The following WDR64 variants were observed in gnomAD, a reference collection of about 807,000 sequenced individuals.
WDR64 encodes WD repeat-containing protein 64.
Under a neutral mutation model 139.3 loss-of-function variants are expected in WDR64, and 112 were observed. The observed-to-expected ratio is 0.80, with a 90% confidence interval of 0.69 to 0.94. The LOEUF (loss-of-function observed/expected upper bound fraction) is 0.94, where lower values mean the gene tolerates loss of function less well. WDR64 is among the 40% of genes least tolerant of loss of function. The pLI is 0.00. For missense variants in WDR64, 1,206 were observed against 1,293.1 expected (o/e 0.93, Z 1.03); for synonymous variants, 444 against 437.7 (o/e 1.01, Z -0.18).
intron 22 of WDR64, among the ~76,000 whole-genome samples, chr1:241,780,835 C>T (rs139574267): frequency 1.6e-4 from 24 of 152,260 alleles, no homozygotes; most frequent in African/African-American, 5.8e-4. Context: ...CCAAGGAGCA[C>T]ATAGACAGTG....
intron 8 of WDR64, among the ~76,000 whole-genome samples, chr1:241,691,825 C>G (rs1178320584): frequency 6.6e-6 from 1 of 152,056 alleles, no homozygotes; most frequent in Non-Finnish European, 1.5e-5. Flanking sequence ...ACCAGCCTGG[C>G]CAACATGGTG....
At chr1:241,696,221 G>GA (rs1227634143) in intron 8 of WDR64, among the ~76,000 whole-genome samples, 1 of 142,718 alleles carries the variant, frequency 7.0e-6, no homozygotes, top group Non-Finnish European at 1.5e-5. Context: ...TCTCTTCAGA[G>GA]AAAGTTCCTT....
intron 8 of WDR64, among the ~76,000 whole-genome samples, chr1:241,704,702 A>C (rs1456938542): frequency 1.3e-5 from 2 of 152,228 alleles, no homozygotes. Flanking sequence ...TATGAACACA[A>C]TTCCACATGC....
intron 10 of WDR64, among the ~76,000 whole-genome samples, chr1:241,736,279 C>T (rs1271662922): frequency 6.6e-6 from 1 of 152,084 alleles, no homozygotes; most frequent in South Asian, 2.1e-4. Flanking sequence ...ATATATCTTG[C>T]TTTGGAGCCC....
At chr1:241,785,588 A>T (rs1162311825) in intron 23 of WDR64, among the ~76,000 whole-genome samples, 1 of 152,124 alleles carries the variant, frequency 6.6e-6, no homozygotes, top group Non-Finnish European at 1.5e-5. Context: ...TGGCATGGAG[A>T]AATTAATTTT....
rs771187194 is a variant in WDR64 at position 241,775,043 on chromosome 1, A to G, written c.2431-62A>G. 10 of 1,303,832 alleles carry G rather than the reference A, an allele frequency of 7.7e-6. No individual in the cohort carries two copies. In the Admixed American group the frequency reaches 1.7e-4, roughly 23 times the overall value. The allele number at this position is 1,303,832 out of a possible 1,614,324, so 80.8% of individuals were successfully genotyped here. On this transcript the variant is annotated intron_variant, in intron 20 of 27. Coordinates refer to ENST00000437684, the MANE Select transcript of WDR64 (RefSeq NM_001367482.1). ...TTTACATAGAAAAATCAATTTCAAT[A>G]TTAAGATTTTATAAGACTTACTAGC...
intron 2 of WDR64, among the ~76,000 whole-genome samples, chr1:241,663,022 G>C (rs757050681): frequency 9.2e-5 from 14 of 152,046 alleles, no homozygotes; most frequent in Non-Finnish European, 1.6e-4. Flanking sequence ...GTTCAAAAGA[G>C]TTCATAAAAG....
intron 22 of WDR64, among the ~76,000 whole-genome samples, chr1:241,782,417 A>G (rs981082277): frequency 2.0e-5 from 3 of 152,258 alleles, no homozygotes; most frequent in Non-Finnish European, 2.9e-5. Flanking sequence ...CTAAATAAAT[A>G]GAAGACTCGC....
intron 1 of WDR64, among the ~76,000 whole-genome samples, chr1:241,658,638 CA>C (rs56278786): frequency 0.11 from 9,361 of 83,764 alleles, 266 homozygotes; most frequent in East Asian, 0.13. Flanking sequence ...GATCCTGTCT[CA>C]AAAAAAAAAA....
chr1:241,711,260 A>G (rs1668154568), intron 8 of WDR64, among the ~76,000 whole-genome samples: 1 of 151,522 alleles, frequency 6.6e-6, no homozygotes, highest in Non-Finnish European at 1.5e-5. Context: ...AAATAGTAGA[A>G]GCAGAGAAAT....
At chr1:241,696,745 T>G (rs550277354) in intron 8 of WDR64, among the ~76,000 whole-genome samples, 2 of 152,194 alleles carry the variant, frequency 1.3e-5, no homozygotes, top group African/African-American at 4.8e-5. Flanking sequence ...GTCACTCTCA[T>G]GGCCATCTTG....
chr1:241,788,921 A>C (rs1189475477), intron 24 of WDR64, among the ~76,000 whole-genome samples: 1 of 152,122 alleles, frequency 6.6e-6, no homozygotes, highest in Non-Finnish European at 1.5e-5. Context: ...TACTTTGGGC[A>C]ATTGCTTAGC....
intron 9 of WDR64, among the ~76,000 whole-genome samples, chr1:241,717,186 T>A (rs1397130252): frequency 1.3e-5 from 2 of 152,328 alleles, no homozygotes; most frequent in South Asian, 2.1e-4. Flanking sequence ...ATCATGTAAC[T>A]GAATATCTGG....
chr1:241,679,077 G>T (rs759603587), intron 5 of WDR64, among the ~76,000 whole-genome samples: 4 of 152,088 alleles, frequency 2.6e-5, no homozygotes, highest in Admixed American at 6.6e-5. Flanking sequence ...ACTTATCATG[G>T]ACCAGGTAAT....
At chr1:241,716,287 G>GAA (rs10696205) in intron 9 of WDR64, among the ~76,000 whole-genome samples, 22,379 of 145,218 alleles carry the variant, frequency 0.15, 1,936 homozygotes, top group African/African-American at 0.2. Context: ...GCTTTTGCAG[G>GAA]AAAAAAAAAA....
chr1:241,738,339 A>C (rs565938903), intron 10 of WDR64, 24 bp from the exon 11 acceptor site: 1 of 1,609,040 alleles, frequency 6.2e-7, no homozygotes, highest in Non-Finnish European at 8.5e-7. Context: ...AAATAGTGGT[A>C]AACTGTGTTT....
intron 7 of WDR64, among the ~76,000 whole-genome samples, chr1:241,683,919 A>C (rs1666914400): frequency 6.6e-6 from 1 of 151,538 alleles, no homozygotes. Flanking sequence ...TTCTGGCCTC[A>C]AGAAACCATC....
At chr1:241,716,888 T>TTGTC (rs1668425087) in intron 9 of WDR64, among the ~76,000 whole-genome samples, 2 of 152,156 alleles carry the variant, frequency 1.3e-5, no homozygotes, top group Admixed American at 1.3e-4. Flanking sequence ...ACAAAGCCAT[T>TTGTC]AGTTTAAGAG....
At position 241,776,356 on chromosome 1, in the gene WDR64, G is replaced by C. The variant is rs139229021; in HGVS notation, c.2536+1146G>C. 6.9e-3 allele frequency among the ~76,000 whole-genome samples: 1,053 copies of C among 152,204 alleles called. 12 individuals carry two copies. The highest frequency in any genetic ancestry group is 0.022 in the African/African-American group (933 of 41,514). ...AGCTTCCCAAAGCACTGGGATTACA[G>C]GCATGAGCCACCATGCCCAGCCTCA... On this transcript the variant is annotated intron_variant, in intron 21 of 27. Coordinates refer to ENST00000437684, the MANE Select transcript of WDR64 (RefSeq NM_001367482.1).
Sources: allele counts gnomAD v4.1 joint callset (sites outside exome capture counted in the v4.1 genomes callset), GRCh38; gene constraint gnomAD v4.1.1; transcripts MANE v1.5; gene names NCBI Gene and HGNC (gene_info 2026-07-23, HGNC 2026-07-21).